Variants in SHOC2 observed in about 807,000 individuals in gnomAD.
The protein encoded by SHOC2 is leucine-rich repeat protein SHOC-2.
SHOC2 carries 4 observed loss-of-function variants against 50.2 expected under a neutral mutation model. That is an observed-to-expected ratio of 0.08 (90% confidence interval 0.04 to 0.18). SHOC2 has a LOEUF of 0.18. Ranked by LOEUF, SHOC2 falls within the 10% of genes least tolerant of loss-of-function variation. The pLI, the probability that SHOC2 is intolerant of heterozygous loss-of-function variation, is 1.00. For missense variants in SHOC2, 388 were observed against 669.6 expected (o/e 0.58, Z 4.64); for synonymous variants, 218 against 244.5 (o/e 0.89, Z 1.01).
chr10:110,953,901 TA>T (rs1847407296), intron 1 of SHOC2, among the ~76,000 whole-genome samples: 1 of 151,150 alleles, frequency 6.6e-6, no homozygotes, highest in African/African-American at 2.4e-5. Context: ...TAATTATATA[TA>T]ATTATTACTT....
chr10:110,926,865 A>C (rs925842858), intron 1 of SHOC2, among the ~76,000 whole-genome samples: 11 of 152,336 alleles, frequency 7.2e-5, no homozygotes, highest in African/African-American at 2.6e-4. Flanking sequence ...GTATTTATTG[A>C]ACAAAATTTA....
chr10:110,925,127 C>T (rs1445738083), intron 1 of SHOC2, among the ~76,000 whole-genome samples: 1 of 148,092 alleles, frequency 6.8e-6, no homozygotes, highest in Non-Finnish European at 1.5e-5. Flanking sequence ...TGTCTTTTCT[C>T]AGCATTTATG....
intron 5 of SHOC2, 124 bp from the exon 6 acceptor site, chr10:111,007,407 A>G (rs1279819283): frequency 8.9e-7 from 1 of 1,118,252 alleles, no homozygotes; most frequent in Non-Finnish European, 1.3e-6. Flanking sequence ...TTCTTTCTAT[A>G]TTTAAATATC....
chr10:110,966,858 A>G (rs1847684844), intron 2 of SHOC2, among the ~76,000 whole-genome samples: 1 of 152,138 alleles, frequency 6.6e-6, no homozygotes, highest in African/African-American at 2.4e-5. Context: ...CTTCTGTAAA[A>G]ATGGTAATAT....
At chr10:110,966,366 T>C (rs1410967193) in intron 2 of SHOC2, among the ~76,000 whole-genome samples, 1 of 152,092 alleles carries the variant, frequency 6.6e-6, no homozygotes, top group Non-Finnish European at 1.5e-5. Context: ...AGGAATGTGG[T>C]TGTTGAATGA....
intron 1 of SHOC2, among the ~76,000 whole-genome samples, chr10:110,929,428 G>C (rs1846843612): frequency 1.3e-5 from 2 of 152,012 alleles, no homozygotes; most frequent in Non-Finnish European, 2.9e-5. Context: ...TTCTGATGTG[G>C]GAATCTTATT....
intron 1 of SHOC2, among the ~76,000 whole-genome samples, chr10:110,957,829 A>G (rs1010700539): frequency 1.3e-5 from 2 of 152,202 alleles, no homozygotes; most frequent in Non-Finnish European, 2.9e-5. Flanking sequence ...TCTCTGGTCT[A>G]TGTCCTCATA....
chr10:110,973,921 A>G (rs984039342), intron 2 of SHOC2, among the ~76,000 whole-genome samples: 3 of 151,686 alleles, frequency 2.0e-5, no homozygotes, highest in African/African-American at 7.3e-5. Flanking sequence ...CATTCTTGAA[A>G]TTGGTAATTT....
intron 3 of SHOC2, among the ~76,000 whole-genome samples, chr10:110,991,585 T>A (rs1057078932): frequency 5.9e-5 from 9 of 152,218 alleles, no homozygotes; most frequent in Non-Finnish European, 1.2e-4. Flanking sequence ...TGAAACTTTT[T>A]ATGATATTGT....
chr10:110,939,364 C>A (rs1026416117), intron 1 of SHOC2, among the ~76,000 whole-genome samples: 63 of 152,044 alleles, frequency 4.1e-4, no homozygotes, highest in African/African-American at 1.4e-3. Flanking sequence ...ACCATAAGCA[C>A]GTGCCACCAT....
At chr10:110,939,063 A>AG in intron 1 of SHOC2, among the ~76,000 whole-genome samples, 1 of 152,304 alleles carries the variant, frequency 6.6e-6, no homozygotes, top group South Asian at 2.1e-4. Flanking sequence ...GTTAAGTCTT[A>AG]GCAGGAGGAA....
intron 1 of SHOC2, among the ~76,000 whole-genome samples, chr10:110,940,185 T>G (rs149083869): frequency 1.4e-4 from 22 of 152,332 alleles, no homozygotes; most frequent in African/African-American, 4.3e-4. Flanking sequence ...GGATTTTGTG[T>G]ATTTTGTTGG....
At chr10:110,936,933 G>T in intron 1 of SHOC2, 1 of 1,408,904 alleles carries the variant, frequency 7.1e-7, no homozygotes, top group Non-Finnish European at 1.0e-6. Context: ...ACCTTGAGGC[G>T]GTCCAGAGCG....
At chr10:110,936,868 A>G in intron 1 of SHOC2, 1 of 1,362,510 alleles carries the variant, frequency 7.3e-7, no homozygotes, top group Non-Finnish European at 1.0e-6. Flanking sequence ...CCTTGAGGGC[A>G]GCAGGAACCA....
intron 2 of SHOC2, among the ~76,000 whole-genome samples, chr10:110,977,122 A>G (rs1361585102): frequency 6.6e-6 from 1 of 152,090 alleles, no homozygotes; most frequent in Non-Finnish European, 1.5e-5. Context: ...TACCTTGAAC[A>G]TATGGAGCTC....
At chr10:110,987,991 A>G (rs1276982441) in intron 3 of SHOC2, among the ~76,000 whole-genome samples, 2 of 152,162 alleles carry the variant, frequency 1.3e-5, no homozygotes, top group Non-Finnish European at 2.9e-5. Flanking sequence ...AGATAGGACT[A>G]GACGTTCCAG....
chr10:111,012,100 T>C lies in SHOC2; in HGVS notation c.*282T>C, dbSNP rs1334140796. On this transcript the variant is annotated 3_prime_UTR_variant, in exon 9 of 9. Transcript: ENST00000369452. ...CATTTGCCAACACATTATGAAGTTA[T>C]TAAATTTAAGGGACAGAGGTAGTAT... 6 of 403,130 alleles carry C rather than the reference T, an allele frequency of 1.5e-5. No homozygotes were observed. Among genetic ancestry groups the C allele is most frequent in the South Asian group, 2.7e-5 (1 of 37,472 alleles). The allele number at this position is 403,130 out of a possible 1,614,324, so 25.0% of individuals were successfully genotyped here.
chr10:110,938,886 A>T (rs1332597608), intron 1 of SHOC2, among the ~76,000 whole-genome samples: 1 of 152,208 alleles, frequency 6.6e-6, no homozygotes, highest in Non-Finnish European at 1.5e-5. Context: ...CTGTCCCAGG[A>T]TGTAAATATA....
At chr10:110,985,270 A>T (rs2134148722) in intron 2 of SHOC2, among the ~76,000 whole-genome samples, 2 of 152,290 alleles carry the variant, frequency 1.3e-5, no homozygotes, top group Middle Eastern at 6.8e-3. Flanking sequence ...AAATTTTGGA[A>T]TATATGTAAA....
Sources: gnomAD v4.1 joint callset for allele counts (sites outside exome capture counted in the v4.1 genomes callset) on GRCh38, gnomAD v4.1.1 for gene constraint, MANE v1.5 for transcripts, NCBI Gene and HGNC (gene_info 2026-07-23, HGNC 2026-07-21) for gene names.